ERBB4: variants seen among roughly 807,000 people sequenced by gnomAD.
The protein encoded by ERBB4 is receptor tyrosine-protein kinase erbB-4.
A neutral mutation model predicts 158.0 loss-of-function variants in ERBB4; 42 were observed. The ratio of observed to expected loss-of-function variants is 0.27; its 90% CI spans 0.21 to 0.34. The LOEUF (loss-of-function observed/expected upper bound fraction) is 0.34. Among genes scored for constraint, ERBB4 ranks in the 10% least tolerant of loss-of-function variants. The probability of loss-of-function intolerance (pLI) is 1.00; values close to 1 mark genes in which losing one functional copy is unlikely to be tolerated. For synonymous variants in ERBB4, 583 were observed against 558.7 expected (o/e 1.04, Z -0.61); for missense variants, 1,333 against 1,624.1 (o/e 0.82, Z 3.08).
At chr2:212,258,938 A>C (rs1310129262) in intron 1 of ERBB4, among the ~76,000 whole-genome samples, 2 of 152,126 alleles carry the variant, frequency 1.3e-5, no homozygotes, top group Non-Finnish European at 2.9e-5. Flanking sequence ...AAGAAAATCA[A>C]GAAACAAAAT....
intron 20 of ERBB4, among the ~76,000 whole-genome samples, chr2:211,559,853 T>C (rs914837641): frequency 6.6e-6 from 1 of 152,142 alleles, no homozygotes; most frequent in Non-Finnish European, 1.5e-5. Flanking sequence ...GCTTACCATA[T>C]AGACAGAGAG....
intron 1 of ERBB4, among the ~76,000 whole-genome samples, chr2:212,280,108 A>C (rs1377322738): frequency 6.6e-6 from 1 of 151,620 alleles, no homozygotes; most frequent in Non-Finnish European, 1.5e-5. Flanking sequence ...AAAATAAAAT[A>C]AAATCCTAAA....
chr2:212,011,283 G>T (rs879861554), intron 2 of ERBB4, among the ~76,000 whole-genome samples: 2 of 152,050 alleles, frequency 1.3e-5, no homozygotes, highest in African/African-American at 2.4e-5. Flanking sequence ...TGGTCCCTCC[G>T]TTTGGGGGTC....
chr2:212,096,363 T>C (rs1048838302), intron 2 of ERBB4, among the ~76,000 whole-genome samples: 7 of 151,942 alleles, frequency 4.6e-5, no homozygotes, highest in Non-Finnish European at 8.8e-5. Flanking sequence ...AATAAAGGAG[T>C]ATGCCATCGT....
chr2:211,977,618 C>T (rs984148016), intron 2 of ERBB4, among the ~76,000 whole-genome samples: 2 of 148,860 alleles, frequency 1.3e-5, no homozygotes, highest in African/African-American at 2.5e-5. Flanking sequence ...CGGTGAGTCA[C>T]CTGAGGTCAG....
intron 2 of ERBB4, among the ~76,000 whole-genome samples, chr2:212,092,143 A>T (rs1272087551): frequency 2.0e-5 from 3 of 152,208 alleles, no homozygotes; most frequent in Admixed American, 1.3e-4. Flanking sequence ...CTGCCTAATT[A>T]TGATCATTGT....
At chr2:211,612,706 G>C (rs2069245277) in intron 19 of ERBB4, among the ~76,000 whole-genome samples, 1 of 152,032 alleles carries the variant, frequency 6.6e-6, no homozygotes, top group Admixed American at 6.6e-5. Context: ...AAGGTCTCAT[G>C]CAGAGGACCT....
intron 20 of ERBB4, among the ~76,000 whole-genome samples, chr2:211,491,350 C>CAAT (rs1196405255): frequency 6.6e-6 from 1 of 152,044 alleles, no homozygotes; most frequent in Non-Finnish European, 1.5e-5. Context: ...GGATAGGTAT[C>CAAT]AATATCTCCT....
chr2:211,728,141 A>G (rs925347165), intron 5 of ERBB4, among the ~76,000 whole-genome samples: 9 of 151,740 alleles, frequency 5.9e-5, no homozygotes, highest in African/African-American at 2.2e-4. Context: ...TTCCCAATCA[A>G]CTGACTCCTT....
chr2:212,251,364 T>C (rs1401233147), intron 1 of ERBB4, among the ~76,000 whole-genome samples: 2 of 152,060 alleles, frequency 1.3e-5, no homozygotes. Flanking sequence ...GGCATCATTC[T>C]AGGCACTTGA....
chr2:211,657,583 T>A, intron 16 of ERBB4, 171 bp downstream of exon 16: 1 of 649,968 alleles, frequency 1.5e-6, no homozygotes, highest in Non-Finnish European at 2.8e-6. Flanking sequence ...GAAAAAGAAG[T>A]AAGAAAGTTG....
chr2:211,805,388 A>G (rs552188062), intron 3 of ERBB4, among the ~76,000 whole-genome samples: 1 of 152,352 alleles, frequency 6.6e-6, no homozygotes, highest in East Asian at 1.9e-4. Context: ...CTGGAAAGGA[A>G]ATCAGTGGAG....
intron 1 of ERBB4, among the ~76,000 whole-genome samples, chr2:212,261,964 G>A (rs1419101117): frequency 6.6e-6 from 1 of 151,920 alleles, no homozygotes; most frequent in Non-Finnish European, 1.5e-5. Flanking sequence ...TATTTTTACT[G>A]TGAAACTAAA....
chr2:212,459,693 A>G (rs1688475632), intron 1 of ERBB4, among the ~76,000 whole-genome samples: 1 of 152,192 alleles, frequency 6.6e-6, no homozygotes. Flanking sequence ...CTTCAATTTA[A>G]TACAAAGCTG....
At chr2:212,227,266 T>C (rs1478288529) in intron 1 of ERBB4, among the ~76,000 whole-genome samples, 2 of 147,278 alleles carry the variant, frequency 1.4e-5, no homozygotes, top group Non-Finnish European at 1.5e-5. Flanking sequence ...AAAAATCATA[T>C]AGTAAAATGG....
At chr2:211,861,122 TTTTATA>T (rs1464506863) in intron 3 of ERBB4, among the ~76,000 whole-genome samples, 2 of 18,198 alleles carry the variant, frequency 1.1e-4, no homozygotes, top group African/African-American at 5.4e-4. Flanking sequence ...TATATATATA[TTTTATA>T]TATATATATA....
At chr2:212,103,672 A>G (rs983812404) in intron 2 of ERBB4, among the ~76,000 whole-genome samples, 2 of 151,968 alleles carry the variant, frequency 1.3e-5, no homozygotes, top group Non-Finnish European at 2.9e-5. Flanking sequence ...ATTCATTAGA[A>G]AGGGAAGACT....
chr2:211,970,651 A>G (rs1378036599), intron 2 of ERBB4, among the ~76,000 whole-genome samples: 1 of 151,582 alleles, frequency 6.6e-6, no homozygotes, highest in Non-Finnish European at 1.5e-5. Flanking sequence ...TCTTTTTTTG[A>G]TCTTTGTTGG....
chr2:212,005,150 A>G (rs988496440), intron 2 of ERBB4, among the ~76,000 whole-genome samples: 1 of 152,172 alleles, frequency 6.6e-6, no homozygotes, highest in Non-Finnish European at 1.5e-5. Flanking sequence ...TTTGAGTTCA[A>G]TATGTGTATA....
Sources: allele counts gnomAD v4.1 joint callset (sites outside exome capture counted in the v4.1 genomes callset), GRCh38; gene constraint gnomAD v4.1.1; transcripts MANE v1.5; gene names NCBI Gene and HGNC (gene_info 2026-07-23, HGNC 2026-07-21).